SPOCK1: variants seen among roughly 807,000 people sequenced by gnomAD.
SPOCK1 encodes SPARC (osteonectin), cwcv and kazal like domains proteoglycan 1.
In SPOCK1, 23 loss-of-function variants were observed where a neutral mutation model predicts 55.3. That is an observed-to-expected ratio of 0.42 (90% CI 0.30 to 0.59). The LOEUF is 0.59. SPOCK1 is among the 20% of genes least tolerant of loss of function. SPOCK1 has a pLI of 0.22. For missense variants in SPOCK1, 499 were observed against 552.5 expected (o/e 0.90, Z 0.97); for synonymous variants, 226 against 221.0 (o/e 1.02, Z -0.20).
intron 2 of SPOCK1, among the ~76,000 whole-genome samples, chr5:137,383,093 T>C (rs1751511918): frequency 6.6e-6 from 1 of 152,158 alleles, no homozygotes; most frequent in African/African-American, 2.4e-5. Flanking sequence ...GACTCCAGGT[T>C]CAAATCCCAT....
intron 3 of SPOCK1, among the ~76,000 whole-genome samples, chr5:137,255,936 G>C (rs1756622592): frequency 6.6e-6 from 1 of 152,170 alleles, no homozygotes; most frequent in Non-Finnish European, 1.5e-5. Flanking sequence ...CAAAGAAGAA[G>C]ATGAGCAGTG....
At chr5:137,306,083 G>A (rs940137215) in intron 2 of SPOCK1, among the ~76,000 whole-genome samples, 5 of 152,178 alleles carry the variant, frequency 3.3e-5, no homozygotes, top group Non-Finnish European at 5.9e-5. Flanking sequence ...TCACCATGGC[G>A]TGGAAATGGC....
At chr5:137,463,313 A>G (rs1753527652) in intron 2 of SPOCK1, among the ~76,000 whole-genome samples, 1 of 152,232 alleles carries the variant, frequency 6.6e-6, no homozygotes, top group Non-Finnish European at 1.5e-5. Context: ...TACACAATGG[A>G]GTCCTATTCA....
At chr5:137,265,095 A>T (rs887561944) in intron 3 of SPOCK1, among the ~76,000 whole-genome samples, 1 of 152,116 alleles carries the variant, frequency 6.6e-6, no homozygotes, top group African/African-American at 2.4e-5. Flanking sequence ...GGAGAGAAAA[A>T]TCCTCGTTTG....
At chr5:137,026,066 C>T (rs971639666) in intron 6 of SPOCK1, among the ~76,000 whole-genome samples, 1 of 152,202 alleles carries the variant, frequency 6.6e-6, no homozygotes, top group Non-Finnish European at 1.5e-5. Context: ...AACATGCCTG[C>T]AAGAGGCGAG....
chr5:137,259,688 T>C (rs370181752), intron 3 of SPOCK1, among the ~76,000 whole-genome samples: 1 of 130,246 alleles, frequency 7.7e-6, no homozygotes, highest in African/African-American at 2.9e-5. Context: ...CACATGAAAG[T>C]AAAAAAAAAA....
At chr5:137,165,505 A>G (rs1754630253) in intron 3 of SPOCK1, among the ~76,000 whole-genome samples, 1 of 152,218 alleles carries the variant, frequency 6.6e-6, no homozygotes, top group Non-Finnish European at 1.5e-5. Flanking sequence ...CAATGCCCAG[A>G]CACAGATGGA....
chr5:137,422,312 C>G (rs1752516903), intron 2 of SPOCK1, among the ~76,000 whole-genome samples: 3 of 152,114 alleles, frequency 2.0e-5, no homozygotes, highest in Admixed American at 6.5e-5. Context: ...TCTGTACTTC[C>G]TGTATTTGAA....
At position 137,415,211 on chromosome 5, in the gene SPOCK1, T is replaced by C. The variant is rs548915700; in HGVS notation, c.186+83162A>G. 6.0e-3 allele frequency among the ~76,000 whole-genome samples: 918 copies of C among 152,308 alleles called. 10 individuals carry two copies. The highest frequency in any genetic ancestry group is 0.01 in the Non-Finnish European group (695 of 68,024). ...CAATTAGGGAGGAAGGTGAGATAAA[T>C]AGAGAAGAACCCATATAGTTTGAGA... On this transcript the variant is annotated intron_variant, in intron 2 of 10. Coordinates refer to ENST00000394945, the MANE Select transcript of SPOCK1 (RefSeq NM_004598.4).
intron 5 of SPOCK1, among the ~76,000 whole-genome samples, chr5:137,099,794 G>C (rs7701979): frequency 6.6e-6 from 1 of 151,882 alleles, no homozygotes; most frequent in Non-Finnish European, 1.5e-5. Flanking sequence ...TCCAGTCAAC[G>C]GAAAGGAGCC....
chr5:137,037,810 T>C (rs1751912952), intron 6 of SPOCK1, among the ~76,000 whole-genome samples: 1 of 152,226 alleles, frequency 6.6e-6, no homozygotes, highest in Non-Finnish European at 1.5e-5. Context: ...TTTGAGGCTG[T>C]GGCACAGCTG....
intron 2 of SPOCK1, among the ~76,000 whole-genome samples, chr5:137,480,182 T>G (rs1245706384): frequency 6.6e-6 from 1 of 152,134 alleles, no homozygotes; most frequent in Non-Finnish European, 1.5e-5. Context: ...CAAAACTGCC[T>G]CATGTTTATT....
chr5:137,300,754 T>C (rs1343915181), intron 2 of SPOCK1, among the ~76,000 whole-genome samples: 1 of 152,308 alleles, frequency 6.6e-6, no homozygotes, highest in African/African-American at 2.4e-5. Flanking sequence ...CCCTTTCCAG[T>C]TGTTCTAGCA....
rs141024142 is a variant in SPOCK1 at position 136,998,994 on chromosome 5, G to T, written c.590-6394C>A. 1.4e-4 allele frequency among the ~76,000 whole-genome samples: 22 copies of T among 152,318 alleles called. No homozygotes were observed. In the East Asian group the frequency reaches 3.1e-3, roughly 21 times the overall value. Reference sequence around the variant, plus strand: ...AAATAAGGCACGTTCAGTCTCCATGGAAAGTACATAGCCCTGGGAAGAAAA... The same window carrying T: ...AAATAAGGCACGTTCAGTCTCCATGTAAAGTACATAGCCCTGGGAAGAAAA... On this transcript the variant is annotated intron_variant, in intron 6 of 10. Transcript: ENST00000394945.
At chr5:137,346,107 C>T (rs1186874729) in intron 2 of SPOCK1, among the ~76,000 whole-genome samples, 1 of 152,174 alleles carries the variant, frequency 6.6e-6, no homozygotes, top group Non-Finnish European at 1.5e-5. Context: ...TGCACAGGCT[C>T]CCTCTCAAGA....
intron 3 of SPOCK1, among the ~76,000 whole-genome samples, chr5:137,258,220 G>A (rs1756675443): frequency 6.6e-6 from 1 of 152,228 alleles, no homozygotes; most frequent in Admixed American, 6.5e-5. Flanking sequence ...GGTACACACA[G>A]CTATTAGAGG....
chr5:137,475,959 A>T (rs187634018), intron 2 of SPOCK1, among the ~76,000 whole-genome samples: 225 of 152,250 alleles, frequency 1.5e-3, no homozygotes, highest in African/African-American at 4.9e-3. Context: ...TTTTATGTTT[A>T]AAAAGGCAAG....
intron 3 of SPOCK1, among the ~76,000 whole-genome samples, chr5:137,195,005 T>C (rs1755271028): frequency 1.3e-5 from 2 of 152,172 alleles, no homozygotes; most frequent in Non-Finnish European, 2.9e-5. Flanking sequence ...GTGGTTCTGA[T>C]TCCCTCCACA....
At chr5:137,202,276 G>C (rs1249701461) in intron 3 of SPOCK1, among the ~76,000 whole-genome samples, 3 of 152,186 alleles carry the variant, frequency 2.0e-5, no homozygotes, top group Admixed American at 1.3e-4. Flanking sequence ...GAAGTCATGG[G>C]GGAAGGTATG....
Sources: allele counts gnomAD v4.1 joint callset (sites outside exome capture counted in the v4.1 genomes callset), GRCh38; gene constraint gnomAD v4.1.1; transcripts MANE v1.5; gene names NCBI Gene and HGNC (gene_info 2026-07-23, HGNC 2026-07-21).